Variants in ATF6B observed in about 807,000 individuals in gnomAD.
ATF6B encodes the protein cyclic AMP-dependent transcription factor ATF-6 beta.
A neutral mutation model predicts 83.5 loss-of-function variants in ATF6B; 50 were observed. The observed-to-expected ratio is 0.60, with a 90% CI of 0.48 to 0.76. The LOEUF (loss-of-function observed/expected upper bound fraction) is 0.76. ATF6B is among the 30% of genes least tolerant of loss of function. The pLI is 0.00. For missense variants in ATF6B, 790 were observed against 893.8 expected (o/e 0.88, Z 1.48); for synonymous variants, 344 against 362.8 (o/e 0.95, Z 0.59).
At chr6:32,123,716 T>A (rs1237381343) in intron 5 of ATF6B, among the ~76,000 whole-genome samples, 1 of 152,114 alleles carries the variant, frequency 6.6e-6, no homozygotes, top group Non-Finnish European at 1.5e-5. Context: ...CCTTATTTTG[T>A]GTATCTTTTT....
chr6:32,124,402 C>T (rs1781883658), intron 5 of ATF6B, among the ~76,000 whole-genome samples: 2 of 152,224 alleles, frequency 1.3e-5, no homozygotes, highest in African/African-American at 4.8e-5. Flanking sequence ...CATTCTTTCT[C>T]AAGTCTGCTT....
At chr6:32,127,316 G>T in intron 3 of ATF6B, 122 bp from the exon 4 acceptor site, 1 of 1,348,976 alleles carries the variant, frequency 7.4e-7, no homozygotes, top group East Asian at 2.4e-5. Context: ...AAAAATAGGG[G>T]ATTGAAGGAG....
Position 32,117,250 on chromosome 6 carries a change from A to G in ATF6B, c.1614+73T>C. ...CTCAAACTTCCACAGCGAGATGCCC[A>G]CTAGAAATCCCCAGACAAGGCCTTT... On this transcript the variant is annotated intron_variant, in intron 14 of 17. Transcript: ENST00000375203. The surrounding 1 kb of genome is among the most constrained non-coding windows in gnomAD (Gnocchi z 5.0). The G allele has an allele frequency of 1.3e-6, 2 of 1,566,058 alleles. No individual in the cohort carries two copies. The highest frequency in any genetic ancestry group is 1.7e-6 in the Non-Finnish European group (2 of 1,146,966).
intron 1 of ATF6B, 127 bp downstream of exon 1, chr6:32,127,990 C>T: frequency 8.5e-7 from 1 of 1,173,546 alleles, no homozygotes; most frequent in Non-Finnish European, 1.2e-6. Context: ...ACAACGAGCC[C>T]CCTGCTCCGC....
rs898220470 is a variant in ATF6B at position 32,118,190 on chromosome 6, T to C, written c.1245-152A>G. 5.0e-5 allele frequency: 48 copies of C among 952,264 alleles called. No individual in the cohort carries two copies. The highest frequency in any genetic ancestry group is 7.1e-5 in the Non-Finnish European group (45 of 631,632). 59.0% of individuals were successfully genotyped at this position (952,264 alleles called of 1,614,324 possible). A position where few individuals can be genotyped will look rare whatever the true frequency, so the allele number is the denominator to read the frequency against. On this transcript the variant is annotated intron_variant, in intron 11 of 17. Transcript: ENST00000375203. This position sits in a 1 kb window ranked among gnomAD's most constrained non-coding sequence, Gnocchi z 5.2. ...GTAAGATGGGAATAAGGATGGTCCCTACATACAAAAAAGACAGTGCATCAC... is the reference window on the plus strand; with the variant it reads ...GTAAGATGGGAATAAGGATGGTCCCCACATACAAAAAAGACAGTGCATCAC...
At position 32,119,563 on chromosome 6, in the gene ATF6B, C is replaced by A. The variant is rs1416993779; in HGVS notation, c.966+261G>T. ...GTAGTCGTATAGTACAGTACGACTT[C>A]CTTGCCTTTAATTTATGGAGACCAA... On this transcript the variant is annotated intron_variant, in intron 9 of 17. Coordinates refer to ENST00000375203, the MANE Select transcript of ATF6B (RefSeq NM_004381.5). The surrounding 1 kb of genome is among the most constrained non-coding windows in gnomAD (Gnocchi z 4.9). Among the ~76,000 whole-genome samples, 2 of 152,126 alleles carry A rather than the reference C, an allele frequency of 1.3e-5. No individual in the cohort carries two copies. Among genetic ancestry groups the A allele is most frequent in the Non-Finnish European group, 2.9e-5 (2 of 68,032 alleles).
In ATF6B at chr6:32,119,983, G is replaced by C; in HGVS notation, c.833-26C>G. On this transcript the variant is annotated intron_variant, in intron 8 of 17. Transcript: ENST00000375203. This position sits in a 1 kb window ranked among gnomAD's most constrained non-coding sequence, Gnocchi z 4.9. ...CTGGGGCAAGTGAGCAGAGGTCAGA[G>C]GGCTGTGCGCTGGGTGGGGTCCTTG... The C allele has an allele frequency of 6.2e-7, 1 of 1,608,966 alleles. No homozygotes were observed. The highest frequency in any genetic ancestry group is 8.5e-7 in the Non-Finnish European group (1 of 1,177,064).
intron 5 of ATF6B, among the ~76,000 whole-genome samples, chr6:32,124,047 A>G (rs1781869414): frequency 6.6e-6 from 1 of 152,146 alleles, no homozygotes; most frequent in African/African-American, 2.4e-5. Context: ...CTAAAAATAC[A>G]AAATTAGCCA....
At position 32,119,554 on chromosome 6, in the gene ATF6B, G is replaced by A. The variant is rs916835170; in HGVS notation, c.966+270C>T. Among the ~76,000 whole-genome samples the A allele has an allele frequency of 6.6e-6, 1 of 152,124 alleles. No individual in the cohort carries two copies. The highest frequency in any genetic ancestry group is 1.5e-5 in the Non-Finnish European group (1 of 68,024). On this transcript the variant is annotated intron_variant, in intron 9 of 17. Coordinates refer to ENST00000375203, the MANE Select transcript of ATF6B (RefSeq NM_004381.5). The surrounding 1 kb of genome is among the most constrained non-coding windows in gnomAD (Gnocchi z 4.9). ...GCCATGACCGTAGTCGTATAGTACA[G>A]TACGACTTCCTTGCCTTTAATTTAT... is the stretch of plus-strand genomic sequence containing the variant.
chr6:32,117,066 G>T lies in ATF6B; in HGVS notation c.1656C>A (p.Val552=). The T allele has an allele frequency of 6.2e-7, 1 of 1,614,104 alleles. No individual in the cohort carries two copies. The highest frequency in any genetic ancestry group is 2.2e-5 in the East Asian group (1 of 44,882). ...PRKKSPPVKA[V]PIQPPGPPER... ...CTGGGGGTCCAGGGGGTTGGATGGGGACTGCCTTAACTGGAGGTGACTTCT... is the reference window on the plus strand; with the variant it reads ...CTGGGGGTCCAGGGGGTTGGATGGGTACTGCCTTAACTGGAGGTGACTTCT... The change falls in exon 15 of 18, where the codon GTC becomes GTA. Residue 552 remains valine, a synonymous_variant. Transcript: ENST00000375203. The surrounding 1 kb of genome is among the most constrained non-coding windows in gnomAD (Gnocchi z 5.0).
chr6:32,128,211 T>TCACCC lies in ATF6B; in HGVS notation c.-5_-4insGGGTG. ...TGAGCAGCATCAGCTCCGCCATCTT[T>TCACCC]CCCCCCCACCCCCCAACCAGGAGAC... is the stretch of plus-strand genomic sequence containing the variant. On this transcript the variant is annotated 5_prime_UTR_variant, in exon 1 of 18. Coordinates refer to ENST00000375203, the MANE Select transcript of ATF6B (RefSeq NM_004381.5). 1.3e-6 allele frequency: 2 copies of TCACCC among 1,536,888 alleles called. No individual in the cohort carries two copies. The highest frequency in any genetic ancestry group is 2.3e-5 in the South Asian group (2 of 87,862).
At chr6:32,123,749 G>A (rs531326516) in intron 5 of ATF6B, among the ~76,000 whole-genome samples, 6 of 152,158 alleles carry the variant, frequency 3.9e-5, no homozygotes, top group African/African-American at 1.4e-4. Context: ...TAATCTGCTA[G>A]ATATAATCTG....
chr6:32,118,683 C>A lies in ATF6B; in HGVS notation c.1244+92G>T. The A allele has an allele frequency of 7.8e-7, 1 of 1,288,696 alleles. No individual in the cohort carries two copies. The highest frequency in any genetic ancestry group is 1.2e-5 in the South Asian group (1 of 81,476). 79.8% of individuals were successfully genotyped at this position (1,288,696 alleles called of 1,614,324 possible). A position where few individuals can be genotyped will look rare whatever the true frequency, so the allele number is the denominator to read the frequency against. ...GACACCAGAACCATTTGTATATAAG[C>A]AGAAGGAAATGGCCTGGGCCAAAGC... On this transcript the variant is annotated intron_variant, in intron 11 of 17. Coordinates refer to ENST00000375203, the MANE Select transcript of ATF6B (RefSeq NM_004381.5). This position sits in a 1 kb window ranked among gnomAD's most constrained non-coding sequence, Gnocchi z 5.2.
Position 32,118,096 on chromosome 6 carries a change from G to GT in ATF6B, c.1245-59dup. The stretch of plus-strand genomic sequence containing the variant: ...AATTTCAGCTGTATCAAGTATCTAG[G>GT]TAAGAATAAAGACTCTGCAGATGGA... On this transcript the variant is annotated intron_variant, in intron 11 of 17. Transcript: ENST00000375203. The surrounding 1 kb of genome is among the most constrained non-coding windows in gnomAD (Gnocchi z 5.2). 10 of 1,603,836 alleles carry GT rather than the reference G, an allele frequency of 6.2e-6. No individual in the cohort carries two copies. Among genetic ancestry groups the GT allele is most frequent in the East Asian group, 2.2e-5 (1 of 44,844 alleles).
intron 1 of ATF6B, 76 bp downstream of exon 1, chr6:32,128,041 T>A: frequency 6.4e-7 from 1 of 1,564,072 alleles, no homozygotes; most frequent in Non-Finnish European, 8.7e-7. Context: ...CCAGACTTCC[T>A]CTTTAGGCCC....
chr6:32,127,315 G>T, intron 3 of ATF6B, 121 bp from the exon 4 acceptor site: 1 of 1,351,250 alleles, frequency 7.4e-7, no homozygotes, highest in Non-Finnish European at 1.0e-6. Context: ...CAAAAATAGG[G>T]GATTGAAGGA....
chr6:32,118,879 G>A lies in ATF6B; in HGVS notation c.1153-13C>T, dbSNP rs1235020800. On this transcript the variant is annotated splice_polypyrimidine_tract_variant and intron_variant, in intron 10 of 17. Coordinates refer to ENST00000375203, the MANE Select transcript of ATF6B (RefSeq NM_004381.5). This position sits in a 1 kb window ranked among gnomAD's most constrained non-coding sequence, Gnocchi z 5.2. Reference sequence around the variant, plus strand: ...TGAGCTCGCTGTTCTAAGGTACAAAGAAGGAGACAAGAAAAAGGGGAATCA... The same window carrying A: ...TGAGCTCGCTGTTCTAAGGTACAAAAAAGGAGACAAGAAAAAGGGGAATCA... 1.2e-6 allele frequency: 2 copies of A among 1,614,216 alleles called. No individual in the cohort carries two copies. Among genetic ancestry groups the A allele is most frequent in the East Asian group, 2.2e-5 (1 of 44,886 alleles).
At chr6:32,123,994 G>A (rs931245454) in intron 5 of ATF6B, among the ~76,000 whole-genome samples, 4 of 152,046 alleles carry the variant, frequency 2.6e-5, no homozygotes, top group South Asian at 2.1e-4. Flanking sequence ...ACCTGAGGTC[G>A]GGAATTCAAG....
At position 32,119,249 on chromosome 6, in the gene ATF6B, T is replaced by C; in HGVS notation, c.967-108A>G. ...CCCAAAGCTCACATGGCCATTCCCC[T>C]GCCTTCCTGACCCACCTACATAGCC... On this transcript the variant is annotated intron_variant, in intron 9 of 17. Coordinates refer to ENST00000375203, the MANE Select transcript of ATF6B (RefSeq NM_004381.5). The surrounding 1 kb of genome is among the most constrained non-coding windows in gnomAD (Gnocchi z 4.9). 7.4e-7 allele frequency: 1 copy of C among 1,346,558 alleles called. No individual in the cohort carries two copies. The highest frequency in any genetic ancestry group is 9.9e-7 in the Non-Finnish European group (1 of 1,005,810). 83.4% of individuals were successfully genotyped at this position (1,346,558 alleles called of 1,614,324 possible). A position where few individuals can be genotyped will look rare whatever the true frequency, so the allele number is the denominator to read the frequency against.
Sources: gnomAD v4.1 joint callset for allele counts (sites outside exome capture counted in the v4.1 genomes callset) on GRCh38, gnomAD v4.1.1 for gene constraint, Gnocchi (gnomAD v3.1) non-coding constraint, MANE v1.5 for transcripts, NCBI Gene and HGNC (gene_info 2026-07-23, HGNC 2026-07-21) for gene names.